Variants in MEX3B observed in about 807,000 individuals in gnomAD.
The protein encoded by MEX3B is RNA-binding protein MEX3B.
Under a neutral mutation model 12.2 loss-of-function variants are expected in MEX3B, and 10 were observed. The ratio of observed to expected loss-of-function variants is 0.82; its 90% CI spans 0.51 to 1.40. MEX3B has a LOEUF of 1.40. Among genes scored for constraint, MEX3B ranks in the 40% most tolerant of loss-of-function variants. MEX3B has a pLI of 0.00. For missense variants in MEX3B, 839 were observed against 801.4 expected (o/e 1.05, Z -0.57); for synonymous variants, 498 against 356.3 (o/e 1.40, Z -4.48).
At chr15:82,045,207 G>T (rs894441429) in intron 1 of MEX3B, 4 of 636,084 alleles carry the variant, frequency 6.3e-6, no homozygotes, top group African/African-American at 5.4e-5. Flanking sequence ...GTTGGGGGGC[G>T]TTAGGGGAGA....
In MEX3B at chr15:82,044,631, G is replaced by C. The variant is rs2073244944; in HGVS notation, c.257-18C>G. 8.1e-6 allele frequency: 13 copies of C among 1,613,654 alleles called. No homozygotes were observed. Among genetic ancestry groups the C allele is most frequent in the Non-Finnish European group, 9.3e-6 (11 of 1,179,834 alleles). On this transcript the variant is annotated intron_variant, in intron 1 of 1. Transcript: ENST00000329713. This position sits in a 1 kb window ranked among gnomAD's most constrained non-coding sequence, Gnocchi z 5.3. ...TTTACAACCTACGAACCAGGGTGCG[G>C]AGGAGGGAGTGGGAGAGAGAGACAG...
Position 82,045,842 on chromosome 15 carries a change from C to A in MEX3B, c.-137G>T, listed in dbSNP as rs943887758. 1.3e-4 allele frequency: 134 copies of A among 1,010,462 alleles called. No individual in the cohort carries two copies. The East Asian group carries it at 4.5e-3, about 34-fold the overall frequency. 62.6% of individuals were successfully genotyped at this position (1,010,462 alleles called of 1,614,324 possible). On this transcript the variant is annotated 5_prime_UTR_variant, in exon 1 of 2. Transcript: ENST00000329713. ...GCTGAGGGCTCCGTTGCTTCTTCCT[C>A]GGTGCTGGGAGGAGTGGGTCGCTCC...
At position 82,043,624 on chromosome 15, in the gene MEX3B, C is replaced by A. The variant is rs2073234988; in HGVS notation, c.1246G>T (p.Ala416Ser). The A allele has an allele frequency of 6.2e-7, 1 of 1,602,258 alleles. No homozygotes were observed. Among genetic ancestry groups the A allele is most frequent in the African/African-American group, 1.3e-5 (1 of 74,534 alleles). Residue 416 changes from alanine to serine, a missense_variant, in exon 2 of 2, where the codon GCC becomes TCC. Physicochemically the swap from Ala to Ser is moderately conservative, Grantham distance 99. Coordinates refer to ENST00000329713, the MANE Select transcript of MEX3B (RefSeq NM_032246.6). ...SSSVVFPGGG[A>S]SAPSNANLGL... ...AGGTTGGCGTTGGAGGGCGCACTGG[C>A]GCCACCCCCGGGGAAGACCACGGAG...
chr15:82,045,301 T>C, intron 1 of MEX3B, 149 bp downstream of exon 1: 2 of 971,216 alleles, frequency 2.1e-6, no homozygotes, highest in Non-Finnish European at 3.2e-6. Flanking sequence ...ACTTTCTTTG[T>C]CTGGGGCGCC....
intron 1 of MEX3B, 31 bp downstream of exon 1, chr15:82,045,419 C>T: frequency 2.5e-6 from 4 of 1,572,788 alleles, no homozygotes; most frequent in South Asian, 1.1e-5. Context: ...TACACCACCC[C>T]CACCCACCTC....
At chr15:82,045,418 CCCACCCACCT>C in intron 1 of MEX3B, 22 bp downstream of exon 1, 3 of 1,568,430 alleles carry the variant, frequency 1.9e-6, no homozygotes, top group Non-Finnish European at 2.6e-6. Context: ...CTACACCACC[CCCACCCACCT>C]CCCCATCCCT....
Position 82,043,072 on chromosome 15 carries a change from C to T in MEX3B, c.*88G>A. On this transcript the variant is annotated 3_prime_UTR_variant, in exon 2 of 2. Transcript: ENST00000329713. Reference sequence around the variant, plus strand: ...AAGGAGAAGGGAGAGGGGGGGCACCCAGGGAGGCAGGCGAGCGCTGGGGAA... The same window carrying T: ...AAGGAGAAGGGAGAGGGGGGGCACCTAGGGAGGCAGGCGAGCGCTGGGGAA... 1 of 1,232,436 alleles carries T rather than the reference C, an allele frequency of 8.1e-7. No homozygotes were observed. The highest frequency in any genetic ancestry group is 1.1e-6 in the Non-Finnish European group (1 of 949,568). The allele number at this position is 1,232,436 out of a possible 1,614,324, so 76.3% of individuals were successfully genotyped here.
At position 82,045,943 on chromosome 15, in the gene MEX3B, G is replaced by A; in HGVS notation, c.-238C>T. On this transcript the variant is annotated 5_prime_UTR_variant, in exon 1 of 2. Coordinates refer to ENST00000329713, the MANE Select transcript of MEX3B (RefSeq NM_032246.6). ...CCCCAGACCTGCTGGCGGGTGGGGT[G>A]GGGGCAGAGCTCTAGCGGTGGCCGC... The A allele has an allele frequency of 2.4e-6, 1 of 413,260 alleles. No homozygotes were observed. The highest frequency in any genetic ancestry group is 4.1e-6 in the Non-Finnish European group (1 of 243,182). The allele number at this position is 413,260 out of a possible 1,614,324, so 25.6% of individuals were successfully genotyped here.
Position 82,044,762 on chromosome 15 carries a change from T to C in MEX3B, c.257-149A>G. 1 of 783,414 alleles carries C rather than the reference T, an allele frequency of 1.3e-6. No individual in the cohort carries two copies. The highest frequency in any genetic ancestry group is 2.1e-6 in the Non-Finnish European group (1 of 484,168). 48.5% of individuals were successfully genotyped at this position (783,414 alleles called of 1,614,324 possible). On this transcript the variant is annotated intron_variant, in intron 1 of 1. Coordinates refer to ENST00000329713, the MANE Select transcript of MEX3B (RefSeq NM_032246.6). The surrounding 1 kb of genome is among the most constrained non-coding windows in gnomAD (Gnocchi z 5.3). ...GGCGGAAAGGGGGCGTCTCCCTCACTGACCTCGGGCCGCGCCACGGGCTGG... is the reference window on the plus strand; with the variant it reads ...GGCGGAAAGGGGGCGTCTCCCTCACCGACCTCGGGCCGCGCCACGGGCTGG...
rs2073245444 is a variant in MEX3B at position 82,044,676 on chromosome 15, G to A, written c.257-63C>T. 5 of 1,552,538 alleles carry A rather than the reference G, an allele frequency of 3.2e-6. No homozygotes were observed. The highest frequency in any genetic ancestry group is 3.5e-6 in the Non-Finnish European group (4 of 1,128,252). On this transcript the variant is annotated intron_variant, in intron 1 of 1. Coordinates refer to ENST00000329713, the MANE Select transcript of MEX3B (RefSeq NM_032246.6). The surrounding 1 kb of genome is among the most constrained non-coding windows in gnomAD (Gnocchi z 5.3). ...AGACAGACACGCCCATTATCCTGGG[G>A]TAACCGCGGGGACCGGGGACAGCCC...
In MEX3B at chr15:82,043,981, T is replaced by A. The variant is rs1444952878; in HGVS notation, c.889A>T (p.Thr297Ser). 6.2e-7 allele frequency: 1 copy of A among 1,606,446 alleles called. No individual in the cohort carries two copies. Among genetic ancestry groups the A allele is most frequent in the Non-Finnish European group, 8.5e-7 (1 of 1,179,550 alleles). ...DSSSSLGSASTDSYFGGGTSS... is the reference protein window; with the variant it reads ...DSSSSLGSASSDSYFGGGTSS... ...GTCCCGCCGCCGAAATAAGAGTCTG[T>A]GGAAGCACTGCCAAGCGAGCTGGAG... is the stretch of plus-strand genomic sequence containing the variant. Residue 297 changes from threonine to serine, a missense_variant, in exon 2 of 2, where the codon ACA (threonine) becomes TCA (serine). This residue lies in a region of MEX3B where 573 missense variants were observed against 488.9 expected (regional missense o/e 1.17). Coordinates refer to ENST00000329713, the MANE Select transcript of MEX3B (RefSeq NM_032246.6).
chr15:82,043,851 T>G lies in MEX3B; in HGVS notation c.1019A>C (p.Tyr340Ser). The change falls in exon 2 of 2, where the codon TAC becomes TCC. Residue 340 changes from tyrosine to serine, a missense_variant. This residue lies in a region of MEX3B where 573 missense variants were observed against 488.9 expected (regional missense o/e 1.17). Coordinates refer to ENST00000329713, the MANE Select transcript of MEX3B (RefSeq NM_032246.6). ...NGNNNNNGNG[Y>S]TYTAGGEASV... ...GGCTTCTCCCCCCGCTGTGTAGGTG[T>G]ACCCATTGCCGTTATTGTTATTGTT... The G allele has an allele frequency of 6.3e-7, 1 of 1,593,140 alleles. No individual in the cohort carries two copies. Among genetic ancestry groups the G allele is most frequent in the South Asian group, 1.1e-5 (1 of 87,598 alleles).
intron 1 of MEX3B, chr15:82,045,056 GGC>G: frequency 1.7e-6 from 1 of 595,262 alleles, no homozygotes; most frequent in Non-Finnish European, 3.0e-6. Context: ...TCCTCCTCTG[GGC>G]TCCATTCCGC....
chr15:82,044,146 G>A lies in MEX3B; in HGVS notation c.724C>T (p.His242Tyr). The change falls in exon 2 of 2, where the codon CAC becomes TAC. Residue 242 changes from histidine to tyrosine, a missense_variant. This residue lies in a region of MEX3B where 573 missense variants were observed against 488.9 expected (regional missense o/e 1.17). Transcript: ENST00000329713. The surrounding 1 kb of genome is among the most constrained non-coding windows in gnomAD (Gnocchi z 5.3). ...AAGCCCACATCGGTGCCGTTGGCGTGGAAGTCGTTCTCGTCTGTGAGCTCA... is the reference window on the plus strand; with the variant it reads ...AAGCCCACATCGGTGCCGTTGGCGTAGAAGTCGTTCTCGTCTGTGAGCTCA... ...IIELTDENDFHANGTDVGFDL... is the reference protein window; with the variant it reads ...IIELTDENDFYANGTDVGFDL... 6.2e-7 allele frequency: 1 copy of A among 1,613,832 alleles called. No individual in the cohort carries two copies. Among genetic ancestry groups the A allele is most frequent in the South Asian group, 1.1e-5 (1 of 91,088 alleles).
In MEX3B at chr15:82,045,544, CAG is replaced by C; in HGVS notation, c.160_161del (p.Leu54ValfsTer22). The C allele has an allele frequency of 6.2e-7, 1 of 1,612,142 alleles. No individual in the cohort carries two copies. On this transcript the variant is annotated frameshift_variant, in exon 1 of 2. Transcript: ENST00000329713. LOFTEE classifies it high-confidence loss of function. ...LGLDSDEGASLYDSEPRKKSV... is the reference protein window; with the variant it reads ...LGLDSDEGASXYDSEPRKKSV... ...TCTTCTTGCGCGGCTCGCTGTCGTA[CAG>C]AGAGGCGCCCTCGTCACTGTCCAGC...
At position 82,043,674 on chromosome 15, in the gene MEX3B, G is replaced by A. The variant is rs2073235531; in HGVS notation, c.1196C>T (p.Ser399Phe). 6.2e-7 allele frequency: 1 copy of A among 1,608,614 alleles called. No individual in the cohort carries two copies. The highest frequency in any genetic ancestry group is 2.2e-5 in the East Asian group (1 of 44,852). The change falls in exon 2 of 2, where the codon TCT becomes TTT. Residue 399 changes from serine to phenylalanine, a missense_variant. Ser to Phe is a radical substitution (Grantham distance 155, BLOSUM62 -2). Around this residue, in one of 3 missense-constraint regions of MEX3B, gnomAD observed 573 missense variants for 488.9 expected, o/e 1.17. Coordinates refer to ENST00000329713, the MANE Select transcript of MEX3B (RefSeq NM_032246.6). ...AAPVSSSCSS[S>F]ASSSASSSSV... is the part of the protein sequence containing the mutation. ...GGAGGAAGAAGCAGACGAAGATGCA[G>A]AAGAAGAGCAGGAAGAAGATACCGG...
chr15:82,045,011 G>A (rs1439885195), intron 1 of MEX3B: 1 of 586,716 alleles, frequency 1.7e-6, no homozygotes, highest in Admixed American at 3.1e-5. Context: ...TCGACTGGGG[G>A]TAGGGGGTGG....
chr15:82,045,725 C>T lies in MEX3B; in HGVS notation c.-20G>A, dbSNP rs2073254351. ...GGGCATCGCTCGGCCGTGCGCGCCG[C>T]GCCCCCGCCGGCCCTCGGCTCGGCG... On this transcript the variant is annotated 5_prime_UTR_variant, in exon 1 of 2. Transcript: ENST00000329713. The T allele has an allele frequency of 3.0e-6, 4 of 1,324,672 alleles. No individual in the cohort carries two copies. Among genetic ancestry groups the T allele is most frequent in the Non-Finnish European group, 3.8e-6 (4 of 1,044,994 alleles). The allele number at this position is 1,324,672 out of a possible 1,614,324, so 82.1% of individuals were successfully genotyped here.
In MEX3B at chr15:82,044,348, G is replaced by A. The variant is rs777635975; in HGVS notation, c.522C>T (p.Leu174=). The A allele has an allele frequency of 1.2e-6, 2 of 1,612,162 alleles. No homozygotes were observed. Among genetic ancestry groups the A allele is most frequent in the Admixed American group, 3.3e-5 (2 of 60,008 alleles). Residue 174 remains leucine (L), a synonymous_variant, in exon 2 of 2, where the codon CTC becomes CTT. Transcript: ENST00000329713. This position sits in a 1 kb window ranked among gnomAD's most constrained non-coding sequence, Gnocchi z 5.3. Reference sequence around the variant, plus strand: ...TTGTGGCGCCTTTGGGCCCCACCACGAGCCCCACCACGCGGTAGGGTACCC... The same window carrying A: ...TTGTGGCGCCTTTGGGCCCCACCACAAGCCCCACCACGCGGTAGGGTACCC... ...QVRVPYRVVG[L]VVGPKGATIK...
Sources: allele counts gnomAD v4.1 joint callset, GRCh38; gene constraint gnomAD v4.1.1; regional missense constraint gnomAD v4.1.1; non-coding constraint Gnocchi (gnomAD v3.1); transcripts MANE v1.5; gene names NCBI Gene and HGNC (gene_info 2026-07-23, HGNC 2026-07-21).